Variants in SUPT3H observed in about 807,000 individuals in gnomAD.
The protein encoded by SUPT3H is transcription initiation protein SPT3 homolog.
In SUPT3H, 44 loss-of-function variants were observed where a neutral mutation model predicts 44.3. That is an observed-to-expected ratio of 0.99 (90% CI 0.78 to 1.28). The LOEUF is 1.28. Among genes scored for constraint, SUPT3H ranks in the 50% most tolerant of loss-of-function variants. The pLI is 0.00. For synonymous variants in SUPT3H, 124 were observed against 125.6 expected, an observed-to-expected ratio of 0.99 and a Z score of 0.09; for missense variants, 380 against 387.1, an observed-to-expected ratio of 0.98 and a Z score of 0.15.
chr6:44,830,268 G>A (rs762825461), intron 10 of SUPT3H, among the ~76,000 whole-genome samples: 2 of 151,964 alleles, frequency 1.3e-5, no homozygotes, highest in Non-Finnish European at 1.5e-5. Flanking sequence ...GGCCCTTCCC[G>A]GGCCTAATTT....
intron 2 of SUPT3H, among the ~76,000 whole-genome samples, chr6:45,131,147 C>T (rs1803414246): frequency 6.6e-6 from 1 of 152,114 alleles, no homozygotes; most frequent in African/African-American, 2.4e-5. Flanking sequence ...AGCTCAGTTT[C>T]CTCAGATGTA....
downstream of SUPT3H, among the ~76,000 whole-genome samples, chr6:44,824,445 C>T (rs1320397248): frequency 6.6e-6 from 1 of 151,834 alleles, no homozygotes; most frequent in Non-Finnish European, 1.5e-5. Context: ...GGACTGCTTG[C>T]ACCTAGGAGT....
chr6:45,332,636 A>C (rs915546664), intron 2 of SUPT3H, among the ~76,000 whole-genome samples: 3 of 151,830 alleles, frequency 2.0e-5, no homozygotes, highest in Admixed American at 1.3e-4. Context: ...ACTATTACCT[A>C]ACAAAAATCT....
intron 5 of SUPT3H, 56 bp downstream of exon 5, chr6:45,014,745 T>A (rs905627200): frequency 1.4e-5 from 18 of 1,269,114 alleles, no homozygotes; most frequent in Non-Finnish European, 1.8e-5. Flanking sequence ...AAATGTGTTA[T>A]CCAGCACACA....
chr6:45,038,545 GGTTA>G (rs1316469050), intron 3 of SUPT3H, among the ~76,000 whole-genome samples: 10 of 152,004 alleles, frequency 6.6e-5, no homozygotes, highest in African/African-American at 2.4e-4. Flanking sequence ...GAATAATATT[GGTTA>G]GTAAGTGACT....
chr6:44,882,064 C>T (rs539648834), intron 10 of SUPT3H, among the ~76,000 whole-genome samples: 14 of 152,054 alleles, frequency 9.2e-5, no homozygotes, highest in African/African-American at 2.4e-4. Context: ...GACAGAGACA[C>T]GAAAAACCCT....
At chr6:44,817,612 T>A (rs1766996179) in intron 11 of SUPT3H, among the ~76,000 whole-genome samples, 1 of 152,130 alleles carries the variant, frequency 6.6e-6, no homozygotes, top group Admixed American at 6.6e-5. Context: ...AGCAATCTAT[T>A]AGAGCTAGTA....
intron 10 of SUPT3H, among the ~76,000 whole-genome samples, chr6:44,894,552 G>C (rs1216090725): frequency 1.3e-5 from 2 of 152,078 alleles, no homozygotes; most frequent in Non-Finnish European, 2.9e-5. Context: ...TGTTATTTCT[G>C]AGGGCTCTGT....
intron 3 of SUPT3H, among the ~76,000 whole-genome samples, chr6:45,040,326 G>C (rs1392118682): frequency 1.3e-5 from 2 of 152,042 alleles, no homozygotes; most frequent in African/African-American, 2.4e-5. Flanking sequence ...TTATATAGTG[G>C]GAGGAAAAAT....
Position 45,231,686 on chromosome 6 carries a change from C to T in SUPT3H, c.102-125680G>A, listed in dbSNP as rs73735316. Among the ~76,000 whole-genome samples, 1,162 of 152,174 alleles carry T rather than the reference C, an allele frequency of 7.6e-3. 20 individuals are homozygous for T. Among genetic ancestry groups the T allele is most frequent in the African/African-American group, 0.027 (1,105 of 41,506 alleles). ...TCTATTAATTTGTTTAATAAGTTTCCGAACCCCTTCATTCTCTCCTCAACC... is the reference window on the plus strand; with the variant it reads ...TCTATTAATTTGTTTAATAAGTTTCTGAACCCCTTCATTCTCTCCTCAACC... On this transcript the variant is annotated intron_variant, in intron 2 of 10. Transcript: ENST00000371459.
intron 2 of SUPT3H, among the ~76,000 whole-genome samples, chr6:45,215,850 C>T (rs2153632801): frequency 6.6e-6 from 1 of 152,160 alleles, no homozygotes; most frequent in East Asian, 1.9e-4. Flanking sequence ...ATAGACTGAA[C>T]CCAAAAATAT....
chr6:45,264,583 T>C lies in SUPT3H; in HGVS notation c.101+100618A>G, dbSNP rs539724244. Among the ~76,000 whole-genome samples, 5 of 152,178 alleles carry C rather than the reference T, an allele frequency of 3.3e-5. No individual in the cohort carries two copies. The South Asian group carries it at 1.0e-3, about 32-fold the overall frequency. Reference sequence around the variant, plus strand: ...ACATTGGTTATAAGGTTCCTGTTGTTTAACTTAATAAACAAAGCACAACAG... The same window carrying C: ...ACATTGGTTATAAGGTTCCTGTTGTCTAACTTAATAAACAAAGCACAACAG... On this transcript the variant is annotated intron_variant, in intron 2 of 10. Transcript: ENST00000371459.
At position 44,892,674 on chromosome 6, in the gene SUPT3H, A is replaced by G. The variant is rs79233916; in HGVS notation, c.912+39979T>C. ...AGCTTGAAGACATTCCAGCAACCAT[A>G]CTACTGTCAAACCTTTCATTTTACA... is the stretch of plus-strand genomic sequence containing the variant. On this transcript the variant is annotated intron_variant, in intron 10 of 10. Coordinates refer to ENST00000371459, the MANE Select transcript of SUPT3H (RefSeq NM_003599.4). Among the ~76,000 whole-genome samples, 810 of 152,278 alleles carry G rather than the reference A, an allele frequency of 5.3e-3. 5 individuals are homozygous for G. The highest frequency in any genetic ancestry group is 0.018 in the African/African-American group (757 of 41,546).
At chr6:45,209,938 T>C (rs552554403) in intron 2 of SUPT3H, among the ~76,000 whole-genome samples, 4 of 152,106 alleles carry the variant, frequency 2.6e-5, no homozygotes, top group Admixed American at 6.6e-5. Context: ...AAAAAGACTA[T>C]GACACATTGA....
intron 10 of SUPT3H, among the ~76,000 whole-genome samples, chr6:44,854,375 C>T (rs952838909): frequency 1.5e-4 from 23 of 152,292 alleles, no homozygotes; most frequent in Admixed American, 1.4e-3. Context: ...ACACTCTCTT[C>T]ATAGCAGCCT....
At chr6:44,979,896 T>C (rs1240391718) in intron 6 of SUPT3H, among the ~76,000 whole-genome samples, 1 of 152,236 alleles carries the variant, frequency 6.6e-6, no homozygotes, top group African/African-American at 2.4e-5. Flanking sequence ...ACAATTTTTA[T>C]AGTAGACCAG....
chr6:45,230,682 A>ATTTTTTT (rs201123504), intron 2 of SUPT3H, among the ~76,000 whole-genome samples: 3 of 110,850 alleles, frequency 2.7e-5, no homozygotes, highest in African/African-American at 1.1e-4. Flanking sequence ...ATATATATAT[A>ATTTTTTT]TATATTTTTG....
chr6:45,281,430 C>T (rs1231221650), intron 2 of SUPT3H, among the ~76,000 whole-genome samples: 1 of 152,208 alleles, frequency 6.6e-6, no homozygotes, highest in Non-Finnish European at 1.5e-5. Context: ...GCAAATGGCA[C>T]ACCAGGAGAT....
chr6:44,828,188 TAAGTTAA>T lies in SUPT3H; in HGVS notation c.*1621_*1627del, dbSNP rs1235402437. On this transcript the variant is annotated 3_prime_UTR_variant, in exon 11 of 11. Coordinates refer to ENST00000371459, the MANE Select transcript of SUPT3H (RefSeq NM_003599.4). ...ACAATAAATGCTATCGTTTAAAAGTTAAGTTAAGTTAGGATGTTTACTGCAAGCTTGT... is the reference window on the plus strand; with the variant it reads ...ACAATAAATGCTATCGTTTAAAAGTTGTTAGGATGTTTACTGCAAGCTTGT... 1.9e-5 allele frequency among the ~76,000 whole-genome samples: 1 copy of T among 52,326 alleles called. No homozygotes were observed. Among genetic ancestry groups the T allele is most frequent in the Non-Finnish European group, 4.6e-5 (1 of 21,872 alleles). The allele number at this position is 52,326 out of a possible 152,430, so 34.3% of individuals were successfully genotyped here. A position where few individuals can be genotyped will look rare whatever the true frequency, so the allele number is the denominator to read the frequency against.
Sources: gnomAD v4.1 joint callset for allele counts (sites outside exome capture counted in the v4.1 genomes callset) on GRCh38, gnomAD v4.1.1 for gene constraint, MANE v1.5 for transcripts, NCBI Gene and HGNC (gene_info 2026-07-23, HGNC 2026-07-21) for gene names.